The following ONECUT2 variants were observed in gnomAD, a reference collection of about 807,000 sequenced individuals.
The protein encoded by ONECUT2 is one cut domain family member 2.
Under a neutral mutation model 27.9 loss-of-function variants are expected in ONECUT2, and 10 were observed. The observed-to-expected ratio is 0.36, with a 90% CI of 0.22 to 0.61. ONECUT2 has a LOEUF of 0.61. ONECUT2 is among the 20% of genes least tolerant of loss of function. ONECUT2 has a pLI of 0.73. For synonymous variants in ONECUT2, 334 were observed against 315.1 expected (o/e 1.06, Z -0.64); for missense variants, 686 against 721.0 (o/e 0.95, Z 0.56).
chr18:57,444,741 C>G (rs1171849328), intron 1 of ONECUT2, among the ~76,000 whole-genome samples: 1 of 152,236 alleles, frequency 6.6e-6, no homozygotes, highest in Non-Finnish European at 1.5e-5. Flanking sequence ...CAACCTTTCC[C>G]TTTAAGGAAA....
At chr18:57,461,582 A>G (rs954038738) in intron 1 of ONECUT2, among the ~76,000 whole-genome samples, 11 of 152,236 alleles carry the variant, frequency 7.2e-5, no homozygotes, top group African/African-American at 2.4e-4. Flanking sequence ...AAGAAGCCCA[A>G]TAAGAGTCAC....
chr18:57,476,944 T>G lies in ONECUT2; in HGVS notation c.*221T>G, dbSNP rs1188856340. The G allele has an allele frequency of 1.7e-6, 1 of 589,494 alleles. No homozygotes were observed. Among genetic ancestry groups the G allele is most frequent in the African/African-American group, 1.9e-5 (1 of 53,622 alleles). 36.5% of individuals were successfully genotyped at this position (589,494 alleles called of 1,614,324 possible). ...TGGAGTCCAAGTGCAAGCTGAAAAA[T>G]TAATCTCTTAGAACCAGACACTGTT... On this transcript the variant is annotated 3_prime_UTR_variant, in exon 2 of 2. Transcript: ENST00000491143.
At chr18:57,450,953 C>T (rs955775023) in intron 1 of ONECUT2, among the ~76,000 whole-genome samples, 1 of 152,160 alleles carries the variant, frequency 6.6e-6, no homozygotes, top group African/African-American at 2.4e-5. Flanking sequence ...AATATATGAA[C>T]TAGCCCTTGT....
chr18:57,476,607 C>T lies in ONECUT2; in HGVS notation c.1399C>T (p.Leu467Phe). 2 of 1,614,168 alleles carry T rather than the reference C, an allele frequency of 1.2e-6. No homozygotes were observed. The highest frequency in any genetic ancestry group is 1.1e-5 in the South Asian group (1 of 91,078). ...ITISQQLGLELTTVSNFFMNA... is the reference protein window; with the variant it reads ...ITISQQLGLEFTTVSNFFMNA... Reference sequence around the variant, plus strand: ...CATTTCCCAGCAGCTGGGCCTGGAGCTCACAACCGTCAGCAACTTCTTCAT... The same window carrying T: ...CATTTCCCAGCAGCTGGGCCTGGAGTTCACAACCGTCAGCAACTTCTTCAT... The change falls in exon 2 of 2, where the codon CTC becomes TTC. Residue 467 changes from leucine (L) to phenylalanine (F), a missense_variant. By Grantham distance (22) the Leu-to-Phe change is conservative. Around this residue, in one of 4 missense-constraint regions of ONECUT2, gnomAD observed 77 missense variants for 105.5 expected, o/e 0.73. Coordinates refer to ENST00000491143, the MANE Select transcript of ONECUT2 (RefSeq NM_004852.3).
rs1356847923 is a variant in ONECUT2, at chr18:57,476,754, C to T, written c.*31C>T. On this transcript the variant is annotated 3_prime_UTR_variant, in exon 2 of 2. Coordinates refer to ENST00000491143, the MANE Select transcript of ONECUT2 (RefSeq NM_004852.3). ...GGACTCTCACTTGGGCACAAGTCAC[C>T]TCCAAATGAGGACAACAGATACCAA... 1.2e-6 allele frequency: 2 copies of T among 1,607,684 alleles called. No individual in the cohort carries two copies. Among genetic ancestry groups the T allele is most frequent in the Non-Finnish European group, 1.7e-6 (2 of 1,176,494 alleles).
At chr18:57,474,762 G>T (rs2050372614) in intron 1 of ONECUT2, among the ~76,000 whole-genome samples, 1 of 152,162 alleles carries the variant, frequency 6.6e-6, no homozygotes. Flanking sequence ...GATGCTGCCT[G>T]CAGAACACAT....
At position 57,484,153 on chromosome 18, in the gene ONECUT2, T is replaced by C. The variant is rs2050428423; in HGVS notation, c.*7430T>C. 6.6e-6 allele frequency: 1 copy of C among 152,130 alleles called. No individual in the cohort carries two copies. The highest frequency in any genetic ancestry group is 1.5e-5 in the Non-Finnish European group (1 of 67,998). 9.4% of individuals were successfully genotyped at this position (152,130 alleles called of 1,614,324 possible). A position where few individuals can be genotyped will look rare whatever the true frequency, so the allele number is the denominator to read the frequency against. Reference sequence around the variant, plus strand: ...ACTAGCTGCTTCCAAGAATGAACTCTGTGTGTATGTAAAGCAACAAAACAA... The same window carrying C: ...ACTAGCTGCTTCCAAGAATGAACTCCGTGTGTATGTAAAGCAACAAAACAA... On this transcript the variant is annotated 3_prime_UTR_variant, in exon 2 of 2. Transcript: ENST00000491143.
At chr18:57,440,186 C>G (rs2050166585) in intron 1 of ONECUT2, among the ~76,000 whole-genome samples, 1 of 152,262 alleles carries the variant, frequency 6.6e-6, no homozygotes, top group Non-Finnish European at 1.5e-5. Flanking sequence ...AGAGGTTCCC[C>G]AAGACCAGCC....
At position 57,477,460 on chromosome 18, in the gene ONECUT2, A is replaced by C. The variant is rs1035289493; in HGVS notation, c.*737A>C. 6.6e-6 allele frequency: 1 copy of C among 152,626 alleles called. No individual in the cohort carries two copies. Among genetic ancestry groups the C allele is most frequent in the Non-Finnish European group, 1.5e-5 (1 of 68,036 alleles). The allele number at this position is 152,626 out of a possible 1,614,324, so 9.5% of individuals were successfully genotyped here. A position where few individuals can be genotyped will look rare whatever the true frequency, so the allele number is the denominator to read the frequency against. On this transcript the variant is annotated 3_prime_UTR_variant, in exon 2 of 2. Coordinates refer to ENST00000491143, the MANE Select transcript of ONECUT2 (RefSeq NM_004852.3). ...CATATGGTCTTGGATCCGTCAAAAA[A>C]ACCAGTCAGTTCACTTGCGCTCAAA...
At chr18:57,440,319 G>A (rs563937250) in intron 1 of ONECUT2, among the ~76,000 whole-genome samples, 45 of 152,330 alleles carry the variant, frequency 3.0e-4, no homozygotes, top group African/African-American at 1.0e-3. Flanking sequence ...CAAGAAGGGA[G>A]TGAGAGAACC....
chr18:57,444,857 C>G (rs1428844829), intron 1 of ONECUT2, among the ~76,000 whole-genome samples: 1 of 151,726 alleles, frequency 6.6e-6, no homozygotes, highest in African/African-American at 2.4e-5. Context: ...ACACTCCAAA[C>G]CAAACAAAAA....
chr18:57,437,028 T>A, intron 1 of ONECUT2, 84 bp downstream of exon 1: 2 of 1,477,782 alleles, frequency 1.4e-6, no homozygotes, highest in African/African-American at 1.4e-5. Flanking sequence ...GCGCGCCGAG[T>A]CACTTCTCTT....
chr18:57,440,598 C>T (rs1429276076), intron 1 of ONECUT2, among the ~76,000 whole-genome samples: 1 of 152,226 alleles, frequency 6.6e-6, no homozygotes, highest in Non-Finnish European at 1.5e-5. Flanking sequence ...GGCCCTTAGC[C>T]AACCCACCAT....
intron 1 of ONECUT2, among the ~76,000 whole-genome samples, chr18:57,443,592 C>T (rs868688371): frequency 6.6e-6 from 1 of 152,142 alleles, no homozygotes; most frequent in East Asian, 1.9e-4. Context: ...TTTTGATTTC[C>T]CAGTCTCATT....
At chr18:57,450,032 G>T (rs1207702224) in intron 1 of ONECUT2, among the ~76,000 whole-genome samples, 1 of 152,084 alleles carries the variant, frequency 6.6e-6, no homozygotes, top group Non-Finnish European at 1.5e-5. Flanking sequence ...CCCACACCAG[G>T]TATTCTTTTT....
rs558347226 is a variant in ONECUT2 at position 57,467,201 on chromosome 18, C to A, written c.1229-9236C>A. The A allele has an allele frequency of 6.9e-4, 316 of 456,328 alleles. 1 individual carries two copies. Among genetic ancestry groups the A allele is most frequent in the Non-Finnish European group, 1.2e-3 (269 of 226,826 alleles). The allele number at this position is 456,328 out of a possible 1,614,324, so 28.3% of individuals were successfully genotyped here. Reference sequence around the variant, plus strand: ...TTGGGAACACAGAATGGTCGCTGTGCGGTCTGCCTCCAGCCGACAGTAAGT... The same window carrying A: ...TTGGGAACACAGAATGGTCGCTGTGAGGTCTGCCTCCAGCCGACAGTAAGT... On this transcript the variant is annotated intron_variant, in intron 1 of 1. Transcript: ENST00000491143.
At chr18:57,467,408 C>G (rs904859350) in intron 1 of ONECUT2, among the ~76,000 whole-genome samples, 4 of 152,118 alleles carry the variant, frequency 2.6e-5, no homozygotes, top group Non-Finnish European at 4.4e-5. Context: ...CTCTGTCACC[C>G]AGGCGGGAGC....
Position 57,489,037 on chromosome 18 carries a change from AC to A in ONECUT2, c.*12316del, listed in dbSNP as rs2050451823. On this transcript the variant is annotated 3_prime_UTR_variant, in exon 2 of 2. Coordinates refer to ENST00000491143, the MANE Select transcript of ONECUT2 (RefSeq NM_004852.3). ...ATCTTCTGTGGGCCACCAGGCACTC[AC>A]CTTTCCCCACCTTGCACACTATCCA... 6.6e-6 allele frequency: 1 copy of A among 152,328 alleles called. No individual in the cohort carries two copies. Among genetic ancestry groups the A allele is most frequent in the Non-Finnish European group, 1.5e-5 (1 of 68,132 alleles). 9.4% of individuals were successfully genotyped at this position (152,328 alleles called of 1,614,324 possible). A position where few individuals can be genotyped will look rare whatever the true frequency, so the allele number is the denominator to read the frequency against.
In ONECUT2 at chr18:57,435,975, G is replaced by T; in HGVS notation, c.259G>T (p.Ala87Ser). Residue 87 changes from alanine (A) to serine (S), a missense_variant, in exon 1 of 2, where the codon GCG becomes TCG. Physicochemically the swap from Ala to Ser is moderately conservative, Grantham distance 99. Transcript: ENST00000491143. ...SLRGPPPPPT[A>S]HQELGTAAAA... ...GCGGGGCCCTCCGCCGCCTCCAACC[G>T]CGCACCAGGAGCTGGGCACGGCGGC... 2 of 1,432,988 alleles carry T rather than the reference G, an allele frequency of 1.4e-6. No individual in the cohort carries two copies. The allele number at this position is 1,432,988 out of a possible 1,614,324, so 88.8% of individuals were successfully genotyped here.
Sources: gnomAD v4.1 joint callset for allele counts (sites outside exome capture counted in the v4.1 genomes callset) on GRCh38, gnomAD v4.1.1 for gene constraint, gnomAD v4.1.1 regional missense constraint, MANE v1.5 for transcripts, NCBI Gene and HGNC (gene_info 2026-07-23, HGNC 2026-07-21) for gene names.